Variants in CAAP1 observed in about 807,000 individuals in gnomAD.
CAAP1 encodes conserved anti-apoptotic protein.
In CAAP1, 20 loss-of-function variants were observed where a neutral mutation model predicts 34.0. The ratio of observed to expected loss-of-function variants is 0.59; its 90% CI spans 0.41 to 0.86. The LOEUF is 0.86. CAAP1 is among the 40% of genes least tolerant of loss of function. The probability of loss-of-function intolerance (pLI) is 0.00; values close to 1 mark genes in which losing one functional copy is unlikely to be tolerated. For synonymous variants in CAAP1, 213 were observed against 166.7 expected (o/e 1.28, Z -2.14); for missense variants, 538 against 450.5 (o/e 1.19, Z -1.76).
chr9:26,874,413 C>T (rs915626276), intron 4 of CAAP1, among the ~76,000 whole-genome samples: 3 of 151,978 alleles, frequency 2.0e-5, no homozygotes, highest in African/African-American at 7.2e-5. Flanking sequence ...TTGAAATAAA[C>T]AATAAATTAT....
intron 5 of CAAP1, among the ~76,000 whole-genome samples, chr9:26,856,638 C>T (rs1330597928): frequency 1.3e-5 from 2 of 152,190 alleles, no homozygotes; most frequent in Non-Finnish European, 2.9e-5. Flanking sequence ...ACACCTTCAG[C>T]ATCAGAAACA....
At position 26,892,499 on chromosome 9, in the gene CAAP1, A is replaced by AGCTGCCGCC; in HGVS notation, c.208_216dup (p.Gly70_Ser72dup). The AGCTGCCGCC allele has an allele frequency of 6.4e-7, 1 of 1,566,492 alleles. No individual in the cohort carries two copies. Among genetic ancestry groups the AGCTGCCGCC allele is most frequent in the Non-Finnish European group, 8.7e-7 (1 of 1,155,302 alleles). On this transcript the variant is annotated inframe_insertion, in exon 1 of 6. Transcript: ENST00000333916. ...CGCTCCACGCTGCTCCCGCCCCAAC[A>AGCTGCCGCC]GCTGCCGCCGCTCCCACCGCCGGTG... is the stretch of plus-strand genomic sequence containing the variant.
At chr9:26,880,430 A>G (rs553076802) in intron 4 of CAAP1, 22 of 241,390 alleles carry the variant, frequency 9.1e-5, no homozygotes, top group South Asian at 6.5e-4. Flanking sequence ...GCCTGTAACA[A>G]TGAGGTTTCT....
chr9:26,865,343 G>C (rs558986555), intron 4 of CAAP1, among the ~76,000 whole-genome samples: 1 of 152,058 alleles, frequency 6.6e-6, no homozygotes. Flanking sequence ...GACCAACATG[G>C]AGAAACCCCA....
At chr9:26,887,130 T>C (rs1005992224) in intron 2 of CAAP1, among the ~76,000 whole-genome samples, 183 bp downstream of exon 2, 1 of 152,082 alleles carries the variant, frequency 6.6e-6, no homozygotes, top group Non-Finnish European at 1.5e-5. Context: ...GAGAATTGCT[T>C]GAACCCGGGA....
chr9:26,877,392 C>T (rs918426331), intron 4 of CAAP1, among the ~76,000 whole-genome samples: 3 of 152,150 alleles, frequency 2.0e-5, no homozygotes, highest in Admixed American at 6.5e-5. Flanking sequence ...TACTCTATGA[C>T]GTTTGCACAA....
intron 4 of CAAP1, among the ~76,000 whole-genome samples, chr9:26,881,286 G>A (rs933783417): frequency 5.3e-5 from 8 of 152,178 alleles, no homozygotes; most frequent in Admixed American, 2.6e-4. Flanking sequence ...TGTTGTAATC[G>A]TTATAAAAAG....
intron 4 of CAAP1, among the ~76,000 whole-genome samples, chr9:26,865,304 C>T (rs1248538586): frequency 6.6e-6 from 1 of 152,018 alleles, no homozygotes; most frequent in African/African-American, 2.4e-5. Flanking sequence ...GTAGGCAGAT[C>T]ACCTGAGGTC....
intron 4 of CAAP1, among the ~76,000 whole-genome samples, chr9:26,863,749 T>A (rs1823058217): frequency 6.7e-6 from 1 of 149,534 alleles, no homozygotes; most frequent in African/African-American, 2.5e-5. Context: ...TGCAATTATC[T>A]TTGTGCTCCC....
intron 4 of CAAP1, among the ~76,000 whole-genome samples, chr9:26,878,605 A>G (rs1823504419): frequency 6.6e-6 from 1 of 152,130 alleles, no homozygotes; most frequent in Non-Finnish European, 1.5e-5. Context: ...TCCCCTTCCC[A>G]TTCTCCATCT....
chr9:26,869,871 A>G (rs1823232002), intron 4 of CAAP1: 1 of 698,628 alleles, frequency 1.4e-6, no homozygotes, highest in South Asian at 6.5e-5. Flanking sequence ...TGATTAAGAG[A>G]AACTTCAATT....
chr9:26,866,676 C>T (rs1823146634), intron 4 of CAAP1, among the ~76,000 whole-genome samples: 1 of 152,144 alleles, frequency 6.6e-6, no homozygotes, highest in Non-Finnish European at 1.5e-5. Context: ...GGACCATCTC[C>T]ACCTCTTTAC....
At chr9:26,865,603 A>G (rs1823117761) in intron 4 of CAAP1, among the ~76,000 whole-genome samples, 1 of 152,368 alleles carries the variant, frequency 6.6e-6, no homozygotes, top group African/African-American at 2.4e-5. Flanking sequence ...AATACTCATC[A>G]GTATAAAGTA....
intron 4 of CAAP1, among the ~76,000 whole-genome samples, chr9:26,864,077 TCTAA>T (rs1434201561): frequency 6.6e-6 from 1 of 152,064 alleles, no homozygotes; most frequent in Admixed American, 6.6e-5. Flanking sequence ...TTTTTATATT[TCTAA>T]CTCACTTCTC....
In CAAP1 at chr9:26,885,547, TC is replaced by T. The variant is rs1429971468; in HGVS notation, c.589+556del. Among the ~76,000 whole-genome samples the T allele has an allele frequency of 2.6e-5, 4 of 152,272 alleles. No homozygotes were observed. In the East Asian group the frequency reaches 7.7e-4, roughly 29 times the overall value. Reference sequence around the variant, plus strand: ...AAACTGAAAGGCTCCAATTTTTGTTTCTTCTTCTGTCATGTTAAAGCTAAAA... The same window carrying T: ...AAACTGAAAGGCTCCAATTTTTGTTTTTCTTCTGTCATGTTAAAGCTAAAA... On this transcript the variant is annotated intron_variant, in intron 3 of 5. Coordinates refer to ENST00000333916, the MANE Select transcript of CAAP1 (RefSeq NM_024828.4).
intron 5 of CAAP1, among the ~76,000 whole-genome samples, chr9:26,856,877 C>T (rs1822881595): frequency 2.0e-5 from 3 of 151,912 alleles, no homozygotes; most frequent in Admixed American, 1.3e-4. Flanking sequence ...TGAAAACTTC[C>T]AAGAAAAAAT....
rs1390075931 is a variant in CAAP1 at position 26,842,417 on chromosome 9, G to C, written c.970C>G (p.Pro324Ala). Residue 324 changes from proline to alanine, a missense_variant, in exon 6 of 6, where the codon CCT (proline) becomes GCT (alanine). This residue lies in a region of CAAP1 where 514 missense variants were observed against 408.4 expected (regional missense o/e 1.26). Coordinates refer to ENST00000333916, the MANE Select transcript of CAAP1 (RefSeq NM_024828.4). ...NEPKAATLAV[P>A]PPEDVQPSAQ... ...GAAGGTTGAACATCTTCTGGTGGAG[G>C]AACAGCCAGGGTGGCTGCTTTGGGT... 3 of 1,614,152 alleles carry C rather than the reference G, an allele frequency of 1.9e-6. No homozygotes were observed. Among genetic ancestry groups the C allele is most frequent in the East Asian group, 4.5e-5 (2 of 44,886 alleles).
intron 5 of CAAP1, among the ~76,000 whole-genome samples, chr9:26,859,921 C>G (rs1223066006): frequency 1.3e-5 from 2 of 152,142 alleles, no homozygotes; most frequent in African/African-American, 4.8e-5. Flanking sequence ...TTGAACAAAT[C>G]ACTAAATTCG....
chr9:26,855,321 G>A (rs537662965), intron 5 of CAAP1, among the ~76,000 whole-genome samples: 2 of 152,210 alleles, frequency 1.3e-5, no homozygotes, highest in South Asian at 2.1e-4. Context: ...GTCAGGAGTT[G>A]GGGGGGAGAG....
Sources: gnomAD v4.1 joint callset for allele counts (sites outside exome capture counted in the v4.1 genomes callset) on GRCh38, gnomAD v4.1.1 for gene constraint, gnomAD v4.1.1 regional missense constraint, MANE v1.5 for transcripts, NCBI Gene and HGNC (gene_info 2026-07-23, HGNC 2026-07-21) for gene names.